Variants in MLXIP observed in about 807,000 individuals in gnomAD.
MLXIP encodes the protein MLX-interacting protein.
A neutral mutation model predicts 87.2 loss-of-function variants in MLXIP; 30 were observed. The ratio of observed to expected loss-of-function variants is 0.34; its 90% CI spans 0.26 to 0.47. The LOEUF (loss-of-function observed/expected upper bound fraction) is 0.47, where lower values mean the gene tolerates loss of function less well. Ranked by LOEUF, MLXIP falls within the 20% of genes least tolerant of loss-of-function variation. The pLI, the probability that MLXIP is intolerant of heterozygous loss-of-function variation, is 1.00. For synonymous variants in MLXIP, 530 were observed against 514.0 expected, an observed-to-expected ratio of 1.03 and a Z score of -0.42; for missense variants, 1,002 against 1,240.1, an observed-to-expected ratio of 0.81 and a Z score of 2.88.
At chr12:122,129,780 C>T (rs1952942318) in intron 5 of MLXIP, 151 bp downstream of exon 5, 2 of 1,293,846 alleles carry the variant, frequency 1.5e-6, no homozygotes, top group South Asian at 2.7e-5. Flanking sequence ...AGCTCTCTCT[C>T]CTGGGTGGGC....
intron 1 of MLXIP, among the ~76,000 whole-genome samples, chr12:122,088,975 C>T (rs1030094071): frequency 9.4e-5 from 13 of 138,346 alleles, no homozygotes; most frequent in African/African-American, 3.3e-4. Context: ...AGTTTGAGAC[C>T]AGCCTGGTCA....
In MLXIP at chr12:122,079,253, A is replaced by C. The variant is rs770252724; in HGVS notation, c.400A>C (p.Thr134Pro). Residue 134 changes from threonine to proline, a missense_variant, in exon 1 of 17, where the codon ACT becomes CCT. Around this residue, in one of 3 missense-constraint regions of MLXIP, gnomAD observed 127 missense variants for 239.0 expected, o/e 0.53. Transcript: ENST00000319080. Reference sequence around the variant, plus strand: ...GCTCACCAAGCTCTTCGAGTGCATGACTTTGGCCTACAGGTAGGGACCCCC... The same window carrying C: ...GCTCACCAAGCTCTTCGAGTGCATGCCTTTGGCCTACAGGTAGGGACCCCC... ...ASLTKLFECM[T>P]LAYSGKLVSP... 3 of 1,549,982 alleles carry C rather than the reference A, an allele frequency of 1.9e-6. No homozygotes were observed.
intron 1 of MLXIP, among the ~76,000 whole-genome samples, chr12:122,106,116 T>G (rs1173159391): frequency 6.6e-6 from 1 of 152,176 alleles, no homozygotes; most frequent in Non-Finnish European, 1.5e-5. Flanking sequence ...TCTCAACTTA[T>G]CCTCTGTCTT....
intron 1 of MLXIP, among the ~76,000 whole-genome samples, chr12:122,084,288 C>CTCTCAAAGATTACCA (rs1237952668): frequency 3.6e-4 from 54 of 152,090 alleles, no homozygotes; most frequent in African/African-American, 1.2e-3. Flanking sequence ...TTACCAATTA[C>CTCTCAAAGATTACCA]ATTACCCAAC....
intron 1 of MLXIP, among the ~76,000 whole-genome samples, chr12:122,118,925 G>T (rs1457198075): frequency 6.6e-6 from 1 of 151,814 alleles, no homozygotes; most frequent in Non-Finnish European, 1.5e-5. Context: ...CCAGCACTTT[G>T]GGAGGTCGAA....
intron 1 of MLXIP, among the ~76,000 whole-genome samples, chr12:122,084,144 TTGTGTG>T (rs746678463): frequency 0.29 from 39,454 of 137,982 alleles, 6,512 homozygotes; most frequent in Middle Eastern, 0.38. Flanking sequence ...CTCAGCCAGA[TTGTGTG>T]TGTGTGTGTG....
At chr12:122,118,307 G>A (rs1321176522) in intron 1 of MLXIP, among the ~76,000 whole-genome samples, 1 of 152,172 alleles carries the variant, frequency 6.6e-6, no homozygotes, top group African/African-American at 2.4e-5. Context: ...TCAGACAGCG[G>A]TTGATCATGG....
intron 11 of MLXIP, chr12:122,136,438 C>A (rs1359782344): frequency 7.2e-6 from 1 of 139,638 alleles, no homozygotes; most frequent in Non-Finnish European, 1.5e-5. Context: ...CATGGTGAAA[C>A]CTTGTCCCTA....
chr12:122,100,262 C>T (rs1438931466), intron 1 of MLXIP, among the ~76,000 whole-genome samples: 1 of 152,100 alleles, frequency 6.6e-6, no homozygotes, highest in Non-Finnish European at 1.5e-5. Flanking sequence ...TTAGGTCAGT[C>T]CTTTGAGTTT....
intron 1 of MLXIP, among the ~76,000 whole-genome samples, chr12:122,124,683 C>T (rs1209863439): frequency 6.6e-6 from 1 of 151,638 alleles, no homozygotes; most frequent in Admixed American, 6.6e-5. Flanking sequence ...ACATCATACC[C>T]TTCAATATAT....
intron 1 of MLXIP, among the ~76,000 whole-genome samples, chr12:122,103,076 T>C (rs1322692285): frequency 2.6e-5 from 4 of 152,150 alleles, no homozygotes; most frequent in African/African-American, 9.7e-5. Flanking sequence ...TGATCACGGC[T>C]CTCTGCAGCC....
At chr12:122,123,665 C>T (rs1284230035) in intron 1 of MLXIP, among the ~76,000 whole-genome samples, 1 of 152,122 alleles carries the variant, frequency 6.6e-6, no homozygotes, top group African/African-American at 2.4e-5. Flanking sequence ...GTCTGCTGTA[C>T]CCCCTGCCTT....
chr12:122,142,734 T>G lies in MLXIP; in HGVS notation c.*922T>G. ...CAGACTCCACGTCCTGCTGTCAGCC[T>G]TGTCATCTTGTCTGATGTCTTTCAG... On this transcript the variant is annotated 3_prime_UTR_variant, in exon 17 of 17. Transcript: ENST00000319080. 5.7e-6 allele frequency: 1 copy of G among 175,276 alleles called. No homozygotes were observed. The highest frequency in any genetic ancestry group is 1.6e-4 in the East Asian group (1 of 6,398). 10.9% of individuals were successfully genotyped at this position (175,276 alleles called of 1,614,324 possible). A position where few individuals can be genotyped will look rare whatever the true frequency, so the allele number is the denominator to read the frequency against.
intron 2 of MLXIP, 124 bp from the exon 3 acceptor site, chr12:122,127,759 A>C: frequency 2.7e-6 from 2 of 736,348 alleles, no homozygotes; most frequent in Non-Finnish European, 4.7e-6. Context: ...TCCTTTTCCT[A>C]GGGAAGGAGA....
chr12:122,084,199 T>C (rs1305944074), intron 1 of MLXIP, among the ~76,000 whole-genome samples: 2 of 148,730 alleles, frequency 1.3e-5, no homozygotes, highest in Non-Finnish European at 3.0e-5. Flanking sequence ...TGTGTTGACA[T>C]GACCAGGAGC....
rs1304595816 is a variant in MLXIP at position 122,130,103 on chromosome 12, C to T, written c.901C>T (p.Arg301Trp). Residue 301 changes from arginine to tryptophan, a missense_variant, in exon 6 of 17, where the codon CGG becomes TGG. Arg to Trp is a moderately radical substitution (Grantham distance 101, BLOSUM62 -3). Coordinates refer to ENST00000319080, the MANE Select transcript of MLXIP (RefSeq NM_014938.6). The part of the protein sequence containing the change: ...SHQPVAWPNP[R>W]EIAHLGNADM... ...CCAGCCGGTGGCCTGGCCCAATCCC[C>T]GGGAAATAGGTAACCCAAACCAGGG... 12 of 1,613,260 alleles carry T rather than the reference C, an allele frequency of 7.4e-6. No individual in the cohort carries two copies. Among genetic ancestry groups the T allele is most frequent in the African/African-American group, 2.7e-5 (2 of 74,894 alleles).
At chr12:122,079,467 C>T (rs1205235371) in intron 1 of MLXIP, among the ~76,000 whole-genome samples, 7 of 152,226 alleles carry the variant, frequency 4.6e-5, no homozygotes, top group Non-Finnish European at 1.0e-4. Context: ...GCCAGCAGTG[C>T]CGGGGTCCTT....
intron 1 of MLXIP, among the ~76,000 whole-genome samples, chr12:122,115,478 A>T (rs1218381709): frequency 6.6e-6 from 1 of 151,206 alleles, no homozygotes; most frequent in Non-Finnish European, 1.5e-5. Flanking sequence ...CATCCCAACT[A>T]CTCAGGAGGC....
chr12:122,111,185 G>T (rs1365721916), intron 1 of MLXIP, among the ~76,000 whole-genome samples: 1 of 152,150 alleles, frequency 6.6e-6, no homozygotes, highest in Non-Finnish European at 1.5e-5. Context: ...TTGTAAGTAG[G>T]CTGTGTAGCT....
Sources: gnomAD v4.1 joint callset for allele counts (sites outside exome capture counted in the v4.1 genomes callset) on GRCh38, gnomAD v4.1.1 for gene constraint, gnomAD v4.1.1 regional missense constraint, MANE v1.5 for transcripts, NCBI Gene and HGNC (gene_info 2026-07-23, HGNC 2026-07-21) for gene names.